DCUN1D4: variants seen among roughly 807,000 people sequenced by gnomAD.
DCUN1D4 encodes DCN1-like protein 4.
In DCUN1D4, 22 loss-of-function variants were observed where a neutral mutation model predicts 47.9. The observed-to-expected ratio is 0.46, with a 90% CI of 0.33 to 0.66. The LOEUF is 0.66. Ranked by LOEUF, DCUN1D4 falls within the 30% of genes least tolerant of loss-of-function variation. DCUN1D4 has a pLI of 0.02. For synonymous variants in DCUN1D4, 121 were observed against 112.2 expected, an observed-to-expected ratio of 1.08 and a Z score of -0.50; for missense variants, 301 against 340.8, an observed-to-expected ratio of 0.88 and a Z score of 0.92.
chr4:51,895,157 A>G (rs1044565192), intron 7 of DCUN1D4, among the ~76,000 whole-genome samples: 1 of 151,980 alleles, frequency 6.6e-6, no homozygotes, highest in Non-Finnish European at 1.5e-5. Context: ...TTTCAGGGGG[A>G]TACAAACATT....
chr4:51,872,484 A>G (rs1016630354), intron 3 of DCUN1D4, among the ~76,000 whole-genome samples: 1 of 152,012 alleles, frequency 6.6e-6, no homozygotes, highest in Admixed American at 6.5e-5. Flanking sequence ...GCTAAATCTC[A>G]TGTGTGCCTT....
intron 7 of DCUN1D4, among the ~76,000 whole-genome samples, chr4:51,897,999 G>T (rs915431183): frequency 7.2e-5 from 11 of 152,206 alleles, no homozygotes; most frequent in Admixed American, 2.0e-4. Context: ...TGGGTATTCA[G>T]ATGTTACTGA....
chr4:51,903,319 C>T (rs1732391706), intron 8 of DCUN1D4, among the ~76,000 whole-genome samples: 1 of 152,128 alleles, frequency 6.6e-6, no homozygotes, highest in African/African-American at 2.4e-5. Context: ...TCTTTCGGTA[C>T]TGCAGTAATG....
At chr4:51,886,942 C>A in intron 6 of DCUN1D4, 1 of 418,714 alleles carries the variant, frequency 2.4e-6, no homozygotes. Context: ...AACTGGAGGC[C>A]ACATTGTACG....
chr4:51,837,704 A>G, the DCUN1D4 span, among the ~76,000 whole-genome samples: 2 of 151,296 alleles, frequency 1.3e-5, no homozygotes, highest in African/African-American at 2.4e-5. Flanking sequence ...AGAAGTTAGA[A>G]ATAATTTACA....
intron 6 of DCUN1D4, among the ~76,000 whole-genome samples, chr4:51,887,866 C>G (rs897885415): frequency 6.7e-6 from 1 of 148,958 alleles, no homozygotes; most frequent in African/African-American, 2.5e-5. Flanking sequence ...GAATGTCTTT[C>G]ACTTATTACA....
chr4:51,907,387 T>G (rs375610636), intron 8 of DCUN1D4, among the ~76,000 whole-genome samples: 3 of 152,354 alleles, frequency 2.0e-5, no homozygotes, highest in South Asian at 2.1e-4. Context: ...ATTTCAGATA[T>G]GAGCTTTTTA....
chr4:51,850,041 T>G (rs1310051647), intron 1 of DCUN1D4, among the ~76,000 whole-genome samples: 4 of 152,144 alleles, frequency 2.6e-5, no homozygotes, highest in Admixed American at 2.6e-4. Flanking sequence ...AAAAGTTCCC[T>G]TGTGTCCCCT....
At chr4:51,898,956 T>C (rs1560510132) in intron 7 of DCUN1D4, among the ~76,000 whole-genome samples, 1 of 152,158 alleles carries the variant, frequency 6.6e-6, no homozygotes, top group Non-Finnish European at 1.5e-5. Flanking sequence ...TTGAAGTGCT[T>C]AGGGATGAAG....
chr4:51,864,578 A>G (rs1725601862), intron 3 of DCUN1D4, among the ~76,000 whole-genome samples: 1 of 152,254 alleles, frequency 6.6e-6, no homozygotes, highest in Admixed American at 6.5e-5. Context: ...GCACCAGCAG[A>G]TCCTGGGTCT....
rs535152395 is a variant in DCUN1D4, at chr4:51,870,013, A to G, written c.137-4258A>G. Among the ~76,000 whole-genome samples, 4 of 152,328 alleles carry G rather than the reference A, an allele frequency of 2.6e-5. No homozygotes were observed. In the East Asian group the frequency reaches 7.7e-4, roughly 29 times the overall value. ...GTCATGTAAACACCAAAACATTAAG[A>G]AAGAGCTTCTAATGATAGGAGGATT... is the stretch of plus-strand genomic sequence containing the variant. On this transcript the variant is annotated intron_variant, in intron 3 of 10. Transcript: ENST00000334635.
At chr4:51,858,038 G>T (rs1724417438) in intron 1 of DCUN1D4, among the ~76,000 whole-genome samples, 1 of 152,152 alleles carries the variant, frequency 6.6e-6, no homozygotes, top group African/African-American at 2.4e-5. Context: ...TATTAATGCT[G>T]TGAAGAAAAG....
chr4:51,846,507 G>A (rs2109794089), intron 1 of DCUN1D4, among the ~76,000 whole-genome samples: 1 of 152,170 alleles, frequency 6.6e-6, no homozygotes, highest in South Asian at 2.1e-4. Flanking sequence ...GTTGCTCCCA[G>A]CAGCTCTTCT....
Position 51,853,324 on chromosome 4 carries a change from A to G in DCUN1D4, c.25+10057A>G, listed in dbSNP as rs531848818. 3.9e-5 allele frequency among the ~76,000 whole-genome samples: 6 copies of G among 152,208 alleles called. No homozygotes were observed. The South Asian group carries it at 6.2e-4, about 16-fold the overall frequency. ...CTTTGAATGACCTGTTCCCTTATCAATTTTCTCCTTTGGCTTTTGTGCCTT... is the reference window on the plus strand; with the variant it reads ...CTTTGAATGACCTGTTCCCTTATCAGTTTTCTCCTTTGGCTTTTGTGCCTT... On this transcript the variant is annotated intron_variant, in intron 1 of 10. Coordinates refer to ENST00000334635, the MANE Select transcript of DCUN1D4 (RefSeq NM_001040402.3).
chr4:51,887,407 C>T lies in DCUN1D4; in HGVS notation c.414+769C>T, dbSNP rs1305322753. On this transcript the variant is annotated intron_variant, in intron 6 of 10. Coordinates refer to ENST00000334635, the MANE Select transcript of DCUN1D4 (RefSeq NM_001040402.3). The stretch of plus-strand genomic sequence containing the variant: ...GAGCCACAGCACCCGGCCATGATTG[C>T]TTTTTATAATGTAAAAGCCCTAGGT... 3.3e-5 allele frequency among the ~76,000 whole-genome samples: 5 copies of T among 152,088 alleles called. No homozygotes were observed. In the East Asian group the frequency reaches 9.6e-4, roughly 29 times the overall value.
At chr4:51,910,748 G>A (rs1733596425) in intron 8 of DCUN1D4, 1 of 321,528 alleles carries the variant, frequency 3.1e-6, no homozygotes. Context: ...AAACAAGCAA[G>A]TGATTGAGTT....
At chr4:51,881,084 C>T (rs932300048) in intron 5 of DCUN1D4, among the ~76,000 whole-genome samples, 18 of 151,936 alleles carry the variant, frequency 1.2e-4, no homozygotes, top group East Asian at 1.9e-4. Flanking sequence ...GCCAAGATTG[C>T]GCCACTGCAC....
intron 5 of DCUN1D4, among the ~76,000 whole-genome samples, chr4:51,882,673 A>AGGAG (rs1728853163): frequency 6.6e-6 from 1 of 152,186 alleles, no homozygotes; most frequent in Non-Finnish European, 1.5e-5. Flanking sequence ...AAGCTGAGGC[A>AGGAG]GGAGGATGTC....
chr4:51,837,889 G>T, the DCUN1D4 span, among the ~76,000 whole-genome samples: 1 of 151,824 alleles, frequency 6.6e-6, no homozygotes, highest in African/African-American at 2.4e-5. Context: ...AAATTTAAAA[G>T]TATAGGGCCA....
Sources: gnomAD v4.1 joint callset for allele counts (sites outside exome capture counted in the v4.1 genomes callset) on GRCh38, gnomAD v4.1.1 for gene constraint, MANE v1.5 for transcripts, NCBI Gene and HGNC (gene_info 2026-07-23, HGNC 2026-07-21) for gene names.